EEPD1: variants seen among roughly 807,000 people sequenced by gnomAD.
EEPD1 encodes endonuclease/exonuclease/phosphatase family domain-containing protein 1.
A neutral mutation model predicts 46.3 loss-of-function variants in EEPD1; 17 were observed. The ratio of observed to expected loss-of-function variants is 0.37; its 90% CI spans 0.25 to 0.55. EEPD1 has a LOEUF of 0.55. Among genes scored for constraint, EEPD1 ranks in the 20% least tolerant of loss-of-function variants. EEPD1 has a pLI of 0.83. For missense variants in EEPD1, 673 were observed against 745.6 expected, an observed-to-expected ratio of 0.90 and a Z score of 1.13; for synonymous variants, 313 against 315.6, an observed-to-expected ratio of 0.99 and a Z score of 0.09.
intron 3 of EEPD1, among the ~76,000 whole-genome samples, chr7:36,268,916 G>C (rs553563992): frequency 5.3e-5 from 8 of 152,338 alleles, no homozygotes; most frequent in African/African-American, 1.9e-4. Context: ...TAGATCCAAA[G>C]TTTGAATCCA....
At chr7:36,198,415 C>CAAAAA (rs70977116) in intron 2 of EEPD1, among the ~76,000 whole-genome samples, 1 of 93,652 alleles carries the variant, frequency 1.1e-5, no homozygotes, top group African/African-American at 4.0e-5. Flanking sequence ...TTTAATAAAC[C>CAAAAA]AAAAAAAAAA....
intron 3 of EEPD1, among the ~76,000 whole-genome samples, chr7:36,243,484 A>G (rs1295889489): frequency 1.3e-5 from 2 of 151,900 alleles, no homozygotes; most frequent in African/African-American, 4.8e-5. Flanking sequence ...CAAACCTCAA[A>G]CCTCTTTTAC....
At chr7:36,285,236 T>C (rs1312189548) in intron 5 of EEPD1, among the ~76,000 whole-genome samples, 1 of 152,188 alleles carries the variant, frequency 6.6e-6, no homozygotes, top group Non-Finnish European at 1.5e-5. Context: ...TTCCTGGCAC[T>C]GGTTCACAAG....
intron 2 of EEPD1, among the ~76,000 whole-genome samples, chr7:36,190,125 AC>A (rs1206817323): frequency 6.6e-6 from 1 of 151,908 alleles, no homozygotes; most frequent in Non-Finnish European, 1.5e-5. Context: ...TAATCCCAAC[AC>A]TTTGGGAAGC....
chr7:36,237,748 C>T (rs964191012), intron 2 of EEPD1, among the ~76,000 whole-genome samples: 6 of 152,116 alleles, frequency 3.9e-5, no homozygotes, highest in Non-Finnish European at 8.8e-5. Flanking sequence ...GCCGGGAGTT[C>T]AAGACCCGCC....
chr7:36,222,414 TTA>T (rs1478888576), intron 2 of EEPD1, among the ~76,000 whole-genome samples: 1 of 152,136 alleles, frequency 6.6e-6, no homozygotes, highest in African/African-American at 2.4e-5. Context: ...GTTGGTCTTG[TTA>T]TCTCAGGGTG....
chr7:36,259,106 G>A (rs771725422), intron 3 of EEPD1, among the ~76,000 whole-genome samples: 1 of 152,068 alleles, frequency 6.6e-6, no homozygotes, highest in Non-Finnish European at 1.5e-5. Context: ...GGGAGTTCCC[G>A]GACCCCTTGT....
At position 36,208,725 on chromosome 7, in the gene EEPD1, T is replaced by C. The variant is rs573693170; in HGVS notation, c.879-30260T>C. ...GGGTCCTCTATGCTGTAACAGGAAC[T>C]GTACTAAGTACTTTTCCTGTGTATT... is the stretch of plus-strand genomic sequence containing the variant. On this transcript the variant is annotated intron_variant, in intron 2 of 7. Transcript: ENST00000242108. 9.8e-5 allele frequency among the ~76,000 whole-genome samples: 15 copies of C among 152,358 alleles called. 1 individual carries two copies. Among genetic ancestry groups the C allele is most frequent in the Admixed American group, 9.8e-4 (15 of 15,302 alleles).
intron 2 of EEPD1, among the ~76,000 whole-genome samples, chr7:36,182,417 C>T (rs571699918): frequency 3.9e-5 from 6 of 152,296 alleles, no homozygotes; most frequent in African/African-American, 7.2e-5. Flanking sequence ...GTGTGGGAAC[C>T]GGATTTCTCA....
At chr7:36,251,337 T>C (rs966589495) in intron 3 of EEPD1, among the ~76,000 whole-genome samples, 3 of 152,204 alleles carry the variant, frequency 2.0e-5, no homozygotes, top group African/African-American at 7.2e-5. Flanking sequence ...TGAGATGGAG[T>C]CTTGCTTTTG....
chr7:36,290,756 G>A (rs1406910932), intron 6 of EEPD1, among the ~76,000 whole-genome samples: 1 of 152,120 alleles, frequency 6.6e-6, no homozygotes, highest in Non-Finnish European at 1.5e-5. Context: ...CCCTCAGTGG[G>A]GACTGGTTCC....
At chr7:36,255,610 T>G (rs1786817293) in intron 3 of EEPD1, among the ~76,000 whole-genome samples, 1 of 152,232 alleles carries the variant, frequency 6.6e-6, no homozygotes, top group African/African-American at 2.4e-5. Context: ...TCTGGTTTAT[T>G]TGCGTACAAG....
At chr7:36,208,946 C>T (rs574744608) in intron 2 of EEPD1, among the ~76,000 whole-genome samples, 1 of 152,158 alleles carries the variant, frequency 6.6e-6, no homozygotes, top group Non-Finnish European at 1.5e-5. Flanking sequence ...GGGTGATCCC[C>T]GTGCACGCTA....
At chr7:36,256,055 T>C (rs1786824573) in intron 3 of EEPD1, among the ~76,000 whole-genome samples, 1 of 152,206 alleles carries the variant, frequency 6.6e-6, no homozygotes. Context: ...AAAGAACTTA[T>C]TTATTTCTGC....
At chr7:36,216,126 C>T (rs1786026197) in intron 2 of EEPD1, among the ~76,000 whole-genome samples, 1 of 152,164 alleles carries the variant, frequency 6.6e-6, no homozygotes, top group Admixed American at 6.5e-5. Context: ...ATCTAAAAAT[C>T]CTATACATAG....
intron 3 of EEPD1, among the ~76,000 whole-genome samples, chr7:36,267,147 C>T (rs1318512527): frequency 2.0e-5 from 3 of 152,248 alleles, no homozygotes; most frequent in African/African-American, 7.2e-5. Context: ...AAGCTACTCA[C>T]CTCTGTTACT....
At position 36,297,056 on chromosome 7, in the gene EEPD1, T is replaced by C. The variant is rs757041039; in HGVS notation, c.1379T>C (p.Ile460Thr). 4 of 1,614,112 alleles carry C rather than the reference T, an allele frequency of 2.5e-6. No homozygotes were observed. The African/African-American group carries it at 4.0e-5, about 16-fold the overall frequency. ...GGGCCAGACAGCAATGACTATGATA[T>C]CCTGAGGAAAGAAAAGTTCCACCAC... is the stretch of plus-strand genomic sequence containing the variant. ...GQGPDSNDYD[I>T]LRKEKFHHLI... Residue 460 changes from isoleucine to threonine, a missense_variant, in exon 7 of 8, where the codon ATC becomes ACC. Transcript: ENST00000242108.
chr7:36,195,297 G>A (rs1642393273), intron 2 of EEPD1, among the ~76,000 whole-genome samples: 1 of 152,228 alleles, frequency 6.6e-6, no homozygotes, highest in African/African-American at 2.4e-5. Context: ...CCCTGACCCA[G>A]TGTGCTGGGG....
intron 3 of EEPD1, among the ~76,000 whole-genome samples, chr7:36,249,015 A>ACACACACACACACACACACACAC (rs1476742420): frequency 6.5e-4 from 99 of 151,660 alleles, no homozygotes; most frequent in African/African-American, 2.3e-3. Context: ...ACACACACAC[A>ACACACACACACACACACACACAC]CACACACACA....
Sources: allele counts gnomAD v4.1 joint callset (sites outside exome capture counted in the v4.1 genomes callset), GRCh38; gene constraint gnomAD v4.1.1; transcripts MANE v1.5; gene names NCBI Gene and HGNC (gene_info 2026-07-23, HGNC 2026-07-21).